The following PLA2G4F variants were observed in gnomAD, a reference collection of about 807,000 sequenced individuals.
PLA2G4F encodes the protein phospholipase A2 group IVF.
In PLA2G4F, 105 loss-of-function variants were observed where a neutral mutation model predicts 103.1. The observed-to-expected ratio is 1.02, with a 90% CI of 0.87 to 1.20. The LOEUF (loss-of-function observed/expected upper bound fraction) is 1.20, where lower values mean the gene tolerates loss of function less well. Ranked by LOEUF, PLA2G4F falls within the 50% of genes most tolerant of loss-of-function variation. The pLI is 0.00. For missense variants in PLA2G4F, 1,155 were observed against 1,075.9 expected (o/e 1.07, Z -1.03); for synonymous variants, 468 against 441.1 (o/e 1.06, Z -0.76).
chr15:42,142,613 C>T lies in PLA2G4F; in HGVS notation c.2244G>A (p.Leu748=), dbSNP rs370427145. The change falls in exon 19 of 20, where the codon CTG becomes CTA. Residue 748 remains leucine, a synonymous_variant. Transcript: ENST00000397272. ...EDMEEARECY[L]FAKAEDPRSP... ...AGCGGGGGTCCTCAGCCTTGGCAAA[C>T]AGATAGCACTCACGGGCCTCCTCCA... 2 of 1,613,996 alleles carry T rather than the reference C, an allele frequency of 1.2e-6. No individual in the cohort carries two copies. Among genetic ancestry groups the T allele is most frequent in the African/African-American group, 1.3e-5 (1 of 74,910 alleles).
At chr15:42,146,340 A>G (rs2048885107) in intron 13 of PLA2G4F, 99 bp from the exon 14 acceptor site, 1 of 1,168,978 alleles carries the variant, frequency 8.6e-7, no homozygotes, top group Non-Finnish European at 1.2e-6. Flanking sequence ...GTGTGCCCAC[A>G]AGAGAGGCTT....
Position 42,141,715 on chromosome 15 carries a change from A to G in PLA2G4F, c.*269T>C, listed in dbSNP as rs186338081. On this transcript the variant is annotated 3_prime_UTR_variant, in exon 20 of 20. Transcript: ENST00000397272. ...CTGATTCTCTCCACACCCCGCTGTG[A>G]AATGAGTGCTGTTCTCTTCTGCCCT... 1,037 of 589,282 alleles carry G rather than the reference A, an allele frequency of 1.8e-3. 4 individuals are homozygous for G. In the Middle Eastern group the frequency reaches 0.022, roughly 12 times the overall value. 36.5% of individuals were successfully genotyped at this position (589,282 alleles called of 1,614,324 possible). A position where few individuals can be genotyped will look rare whatever the true frequency, so the allele number is the denominator to read the frequency against.
intron 10 of PLA2G4F, 120 bp from the exon 11 acceptor site, chr15:42,149,968 C>A: frequency 6.5e-7 from 1 of 1,529,614 alleles, no homozygotes; most frequent in East Asian, 2.3e-5. Context: ...CCCACCAGCA[C>A]CAGAACCAGG....
intron 7 of PLA2G4F, 140 bp downstream of exon 7, chr15:42,152,548 T>C (rs1952009836): frequency 2.2e-6 from 2 of 906,674 alleles, no homozygotes; most frequent in Non-Finnish European, 1.8e-6. Flanking sequence ...CTGCCTCCAG[T>C]GAACAATCCA....
chr15:42,154,526 C>G lies in PLA2G4F; in HGVS notation c.185-68G>C, dbSNP rs764411210. 9 of 1,469,826 alleles carry G rather than the reference C, an allele frequency of 6.1e-6. No individual in the cohort carries two copies. The African/African-American group carries it at 1.3e-4, about 21-fold the overall frequency. The allele number at this position is 1,469,826 out of a possible 1,614,324, so 91.0% of individuals were successfully genotyped here. A position where few individuals can be genotyped will look rare whatever the true frequency, so the allele number is the denominator to read the frequency against. On this transcript the variant is annotated intron_variant, in intron 2 of 19. Transcript: ENST00000397272. Reference sequence around the variant, plus strand: ...TGCTGAAAAGGTTTCCTTGGGGAGGCTAGGGCAGAAGGGGAAGGAGCAGAG... The same window carrying G: ...TGCTGAAAAGGTTTCCTTGGGGAGGGTAGGGCAGAAGGGGAAGGAGCAGAG...
Position 42,144,057 on chromosome 15 carries a change from G to C in PLA2G4F, c.2063C>G (p.Pro688Arg). The change falls in exon 18 of 20, where the codon CCG becomes CGG. Residue 688 changes from proline (P) to arginine (R), a missense_variant. By Grantham distance (103) the Pro-to-Arg change is moderately radical. This residue lies in a region of PLA2G4F where 782 missense variants were observed against 692.9 expected (regional missense o/e 1.13). Transcript: ENST00000397272. ...LVDGGFAINS[P>R]FPLALLPQRA... is the part of the protein sequence containing the mutation. ...CTGAGGCAGCAGAGCCAGTGGGAAC[G>C]GAGAGTTGATGGCAAAGCCTCCGTC... is the stretch of plus-strand genomic sequence containing the variant. 1.2e-6 allele frequency: 2 copies of C among 1,614,074 alleles called. No individual in the cohort carries two copies. The highest frequency in any genetic ancestry group is 1.7e-6 in the Non-Finnish European group (2 of 1,179,984).
intron 15 of PLA2G4F, 30 bp from the exon 16 acceptor site, chr15:42,145,712 G>T (rs376156103): frequency 1.9e-6 from 3 of 1,613,426 alleles, no homozygotes; most frequent in East Asian, 4.5e-5. Context: ...CCCACCCCAC[G>T]TCAGGGCCTG....
chr15:42,151,222 C>A (rs900940002), intron 7 of PLA2G4F: 2 of 985,398 alleles, frequency 2.0e-6, no homozygotes, highest in Non-Finnish European at 2.4e-6. Context: ...GTTGTTCTGG[C>A]CTTTGTTTCC....
In PLA2G4F at chr15:42,150,790, G is replaced by A; in HGVS notation, c.602-13C>T. 6.2e-7 allele frequency: 1 copy of A among 1,602,290 alleles called. No individual in the cohort carries two copies. The highest frequency in any genetic ancestry group is 8.5e-7 in the Non-Finnish European group (1 of 1,176,028). On this transcript the variant is annotated splice_polypyrimidine_tract_variant and intron_variant, in intron 7 of 19. Transcript: ENST00000397272. The stretch of plus-strand genomic sequence containing the variant: ...AGCTGCCTAGAGCCTGAGAGCAGAG[G>A]GCCCAGGTGGGTGCGCAGGTGAGGG...
chr15:42,148,609 T>C, intron 11 of PLA2G4F: 1 of 984,132 alleles, frequency 1.0e-6, no homozygotes, highest in Middle Eastern at 5.2e-4. Flanking sequence ...GGAACTAAAT[T>C]GTCCCCCGTT....
Position 42,153,355 on chromosome 15 carries a change from A to G in PLA2G4F, c.492-13T>C. Reference sequence around the variant, plus strand: ...TGCAGGCACCTGGCTGCAAAGGATGAGGAATACATGGAGAATACATCTGGC... The same window carrying G: ...TGCAGGCACCTGGCTGCAAAGGATGGGGAATACATGGAGAATACATCTGGC... On this transcript the variant is annotated splice_polypyrimidine_tract_variant and intron_variant, in intron 5 of 19. Coordinates refer to ENST00000397272, the MANE Select transcript of PLA2G4F (RefSeq NM_213600.4). 1 of 1,613,278 alleles carries G rather than the reference A, an allele frequency of 6.2e-7. No individual in the cohort carries two copies. The highest frequency in any genetic ancestry group is 8.5e-7 in the Non-Finnish European group (1 of 1,179,264).
rs1457056682 is a variant in PLA2G4F at position 42,154,274 on chromosome 15, TGCCTGA to T, written c.321+42_321+47del. ...GCATGAGGTAGGACAGGAGGGTAGC[TGCCTGA>T]GGAGTTCCCCTCCCGCAGCCTGGCC... On this transcript the variant is annotated intron_variant, in intron 3 of 19. Coordinates refer to ENST00000397272, the MANE Select transcript of PLA2G4F (RefSeq NM_213600.4). 2.5e-6 allele frequency: 4 copies of T among 1,611,520 alleles called. No individual in the cohort carries two copies. The East Asian group carries it at 8.9e-5, about 36-fold the overall frequency.
At chr15:42,151,486 G>A (rs1383238833) in intron 7 of PLA2G4F, 4 of 985,264 alleles carry the variant, frequency 4.1e-6, no homozygotes, top group Middle Eastern at 5.2e-4. Flanking sequence ...GGGCAGAGGG[G>A]GCCGCAGACA....
At position 42,142,076 on chromosome 15, in the gene PLA2G4F, G is replaced by A. The variant is rs528248701; in HGVS notation, c.2458C>T (p.Arg820Ter). The A allele has an allele frequency of 1.7e-4, 275 of 1,614,160 alleles. 6 individuals are homozygous for A. The South Asian group carries it at 2.9e-3, about 17-fold the overall frequency. ...TCCACGTTGTTCAGGACGTTGTATC[G>A]ACTGAGGGCCACCAGCCGATAAAAG... ...QDFYRLVALS[R>*]YNVLNNVETL... is the part of the protein sequence containing the mutation. The change falls in exon 20 of 20, where the codon CGA becomes TGA. Residue 820 changes from arginine (R) to a stop codon, truncating the protein, a stop_gained. Coordinates refer to ENST00000397272, the MANE Select transcript of PLA2G4F (RefSeq NM_213600.4). LOFTEE classifies it low-confidence loss of function (END_TRUNC).
At chr15:42,151,343 ACTGGAAGATGAGGCCCAGG>A in intron 7 of PLA2G4F, 1 of 985,140 alleles carries the variant, frequency 1.0e-6, no homozygotes, top group Non-Finnish European at 1.2e-6. Context: ...GCTAGCCCAG[ACTGGAAGATGAGGCCCAGG>A]CTGGGAGGAG....
intron 1 of PLA2G4F, 81 bp downstream of exon 1, chr15:42,156,358 G>T: frequency 8.6e-7 from 1 of 1,164,194 alleles, no homozygotes; most frequent in Non-Finnish European, 1.2e-6. Flanking sequence ...CAGGGCTGGG[G>T]CTGGTCTCAG....
At chr15:42,150,017 C>A in intron 10 of PLA2G4F, 87 bp downstream of exon 10, 3 of 1,590,496 alleles carry the variant, frequency 1.9e-6, no homozygotes, top group Non-Finnish European at 2.6e-6. Context: ...GCCTGAGCTT[C>A]TTGGGCAAGA....
rs1337964899 is a variant in PLA2G4F at position 42,151,084 on chromosome 15, T to G, written c.602-307A>C. On this transcript the variant is annotated intron_variant, in intron 7 of 19. Transcript: ENST00000397272. ...CCCAGAGCCTGTGGGGCTGATGATT[T>G]GAGATGATTCTATGTTTATCATAAG... is the stretch of plus-strand genomic sequence containing the variant. 7.1e-6 allele frequency: 7 copies of G among 985,154 alleles called. No homozygotes were observed. In the African/African-American group the frequency reaches 1.2e-4, roughly 17 times the overall value. 61.0% of individuals were successfully genotyped at this position (985,154 alleles called of 1,614,324 possible).
intron 11 of PLA2G4F, 123 bp downstream of exon 11, chr15:42,149,590 C>T: frequency 6.8e-7 from 1 of 1,467,496 alleles, no homozygotes; most frequent in Non-Finnish European, 9.0e-7. Context: ...GCCGATGGTG[C>T]CCACAGCTCA....
Sources: gnomAD v4.1 joint callset for allele counts on GRCh38, gnomAD v4.1.1 for gene constraint, gnomAD v4.1.1 regional missense constraint, MANE v1.5 for transcripts, NCBI Gene and HGNC (gene_info 2026-07-23, HGNC 2026-07-21) for gene names.